The following FAM171A1 variants were observed in gnomAD, a reference collection of about 807,000 sequenced individuals.
FAM171A1 encodes protein FAM171A1.
A neutral mutation model predicts 74.9 loss-of-function variants in FAM171A1; 23 were observed. The ratio of observed to expected loss-of-function variants is 0.31; its 90% CI spans 0.22 to 0.44. FAM171A1 has a LOEUF of 0.44. FAM171A1 is among the 20% of genes least tolerant of loss of function. FAM171A1 has a pLI of 1.00. For missense variants in FAM171A1, 1,162 were observed against 1,159.2 expected (o/e 1.00, Z -0.03); for synonymous variants, 527 against 505.7 (o/e 1.04, Z -0.57).
intron 1 of FAM171A1, among the ~76,000 whole-genome samples, chr10:15,286,406 G>A (rs1034743452): frequency 4.6e-5 from 7 of 151,930 alleles, no homozygotes; most frequent in South Asian, 4.2e-4. Flanking sequence ...TCAGCCTCCC[G>A]AGTAGCTGGG....
At chr10:15,334,809 G>A (rs1835681723) in intron 1 of FAM171A1, among the ~76,000 whole-genome samples, 2 of 152,190 alleles carry the variant, frequency 1.3e-5, no homozygotes, top group African/African-American at 4.8e-5. Flanking sequence ...GCCTGCCACT[G>A]GAGACAGTAG....
rs1255069290 is a variant in FAM171A1 at position 15,213,678 on chromosome 10, G to T, written c.1910C>A (p.Pro637His). ...PHPSSQIQPQ[P>H]LSSQAISQQH... Reference sequence around the variant, plus strand: ...CTGAGAGATGGCCTGGGAAGACAGGGGCTGGGGCTGGATCTGTGAGGACGG... The same window carrying T: ...CTGAGAGATGGCCTGGGAAGACAGGTGCTGGGGCTGGATCTGTGAGGACGG... Residue 637 changes from proline (P) to histidine (H), a missense_variant, in exon 8 of 8, where the codon CCC becomes CAC. Transcript: ENST00000378116. This position sits in a 1 kb window ranked among gnomAD's most constrained non-coding sequence, Gnocchi z 6.8. 2 of 1,613,308 alleles carry T rather than the reference G, an allele frequency of 1.2e-6. No homozygotes were observed. Among genetic ancestry groups the T allele is most frequent in the Non-Finnish European group, 1.7e-6 (2 of 1,179,514 alleles).
At position 15,213,493 on chromosome 10, in the gene FAM171A1, C is replaced by A; in HGVS notation, c.2095G>T (p.Gly699Trp). The A allele has an allele frequency of 6.2e-7, 1 of 1,614,122 alleles. No homozygotes were observed. Among genetic ancestry groups the A allele is most frequent in the Non-Finnish European group, 8.5e-7 (1 of 1,180,032 alleles). ...GCCCGGGGGTGCGGAAGCGGCTTCC[C>A]ACCCCCAAGCTCCATCAGGGCCTTT... is the stretch of plus-strand genomic sequence containing the variant. ...TEKALMELGGGKPLPHPRAWF... is the reference protein window; with the variant it reads ...TEKALMELGGWKPLPHPRAWF... The change falls in exon 8 of 8, where the codon GGG becomes TGG. Residue 699 changes from glycine (G) to tryptophan (W), a missense_variant. By Grantham distance (184) the Gly-to-Trp change is radical. Transcript: ENST00000378116. The surrounding 1 kb of genome is among the most constrained non-coding windows in gnomAD (Gnocchi z 6.8).
intron 1 of FAM171A1, among the ~76,000 whole-genome samples, chr10:15,369,295 G>T (rs1836105335): frequency 6.6e-6 from 1 of 150,858 alleles, no homozygotes; most frequent in Non-Finnish European, 1.5e-5. Flanking sequence ...CCATATATTG[G>T]TATTTCAAGT....
intron 1 of FAM171A1, among the ~76,000 whole-genome samples, chr10:15,317,514 C>T (rs1164192356): frequency 6.6e-6 from 1 of 152,210 alleles, no homozygotes; most frequent in African/African-American, 2.4e-5. Flanking sequence ...CCTGCCTCAG[C>T]CTCCCTACTA....
At chr10:15,365,293 G>A (rs1254527921) in intron 1 of FAM171A1, among the ~76,000 whole-genome samples, 5 of 152,232 alleles carry the variant, frequency 3.3e-5, no homozygotes, top group African/African-American at 1.2e-4. Flanking sequence ...CCGGGCTGCA[G>A]AAGGAAGGAC....
At position 15,315,844 on chromosome 10, in the gene FAM171A1, C is replaced by T. The variant is rs147458542; in HGVS notation, c.98-31739G>A. ...ATTTTTACCTCTTTCCCCTTGCCCTCGCCCCCTGACTATCAATATAAGGTA... is the reference window on the plus strand; with the variant it reads ...ATTTTTACCTCTTTCCCCTTGCCCTTGCCCCCTGACTATCAATATAAGGTA... On this transcript the variant is annotated intron_variant, in intron 1 of 7. Coordinates refer to ENST00000378116, the MANE Select transcript of FAM171A1 (RefSeq NM_001010924.2). Among the ~76,000 whole-genome samples, 49 of 152,200 alleles carry T rather than the reference C, an allele frequency of 3.2e-4. 1 individual carries two copies. The East Asian group carries it at 9.3e-3, about 29-fold the overall frequency.
At chr10:15,348,523 G>A (rs1835842571) in intron 1 of FAM171A1, among the ~76,000 whole-genome samples, 1 of 152,200 alleles carries the variant, frequency 6.6e-6, no homozygotes, top group Admixed American at 6.5e-5. Flanking sequence ...TGACTGCAGT[G>A]TAACTAGGAC....
intron 1 of FAM171A1, among the ~76,000 whole-genome samples, chr10:15,360,554 T>C (rs1378917807): frequency 6.6e-6 from 1 of 152,216 alleles, no homozygotes; most frequent in African/African-American, 2.4e-5. Context: ...GGGCTGAGCT[T>C]GTCATGACCA....
At chr10:15,214,645 C>T in intron 7 of FAM171A1, 44 bp from the exon 8 acceptor site, 1 of 1,502,442 alleles carries the variant, frequency 6.7e-7, no homozygotes, top group African/African-American at 1.4e-5. Flanking sequence ...TAGTGATTCT[C>T]ACAATGAAAA....
At chr10:15,285,152 C>G (rs118052687) in intron 1 of FAM171A1, among the ~76,000 whole-genome samples, 1 of 152,068 alleles carries the variant, frequency 6.6e-6, no homozygotes, top group Non-Finnish European at 1.5e-5. Context: ...GGAGAGGATG[C>G]GTGAGTAAAC....
intron 1 of FAM171A1, among the ~76,000 whole-genome samples, chr10:15,294,937 CAG>C (rs1280031930): frequency 6.6e-6 from 1 of 152,124 alleles, no homozygotes; most frequent in Non-Finnish European, 1.5e-5. Flanking sequence ...TTTTTTGAGA[CAG>C]AGTTTTGCTC....
At chr10:15,316,614 G>A (rs1447947297) in intron 1 of FAM171A1, among the ~76,000 whole-genome samples, 1 of 152,184 alleles carries the variant, frequency 6.6e-6, no homozygotes, top group Non-Finnish European at 1.5e-5. Context: ...CTTTCAATAA[G>A]CAGGGAAGCC....
rs567461046 is a variant in FAM171A1, at chr10:15,266,025, A to G, written c.418+9830T>C. Among the ~76,000 whole-genome samples, 5 of 152,316 alleles carry G rather than the reference A, an allele frequency of 3.3e-5. No individual in the cohort carries two copies. The South Asian group carries it at 1.0e-3, about 32-fold the overall frequency. On this transcript the variant is annotated intron_variant, in intron 3 of 7. Coordinates refer to ENST00000378116, the MANE Select transcript of FAM171A1 (RefSeq NM_001010924.2). ...TCTGGGCTCAGGCAGCTCTCAGGCCACTTGGCAGGAGTGAGTGGGTTTCCC... is the reference window on the plus strand; with the variant it reads ...TCTGGGCTCAGGCAGCTCTCAGGCCGCTTGGCAGGAGTGAGTGGGTTTCCC...
In FAM171A1 at chr10:15,221,027, T is replaced by C; in HGVS notation, c.788A>G (p.His263Arg). ...CCACGTCAGCTGGCTGCCTTCCTGG[T>C]GCACAAGACCCAGACCGCTCTTCAG... Reference protein sequence around the residue: ...TWLKSGLGLVHQEGSQLTWTY... With the variant: ...TWLKSGLGLVRQEGSQLTWTY... Residue 263 changes from histidine to arginine, a missense_variant, in exon 6 of 8, where the codon CAC becomes CGC. Transcript: ENST00000378116. 6.2e-7 allele frequency: 1 copy of C among 1,614,174 alleles called. No individual in the cohort carries two copies. Among genetic ancestry groups the C allele is most frequent in the Non-Finnish European group, 8.5e-7 (1 of 1,180,028 alleles).
chr10:15,253,279 C>T (rs1190655076), intron 4 of FAM171A1, among the ~76,000 whole-genome samples: 1 of 152,196 alleles, frequency 6.6e-6, no homozygotes, highest in Non-Finnish European at 1.5e-5. Context: ...GCTGGGATTA[C>T]AGGCATGAGC....
intron 1 of FAM171A1, among the ~76,000 whole-genome samples, chr10:15,345,026 C>T (rs1169725678): frequency 2.0e-5 from 3 of 152,322 alleles, no homozygotes; most frequent in South Asian, 4.1e-4. Context: ...GCGTCATACA[C>T]GCACAAAACT....
At chr10:15,332,446 G>A (rs1835651152) in intron 1 of FAM171A1, among the ~76,000 whole-genome samples, 1 of 152,000 alleles carries the variant, frequency 6.6e-6, no homozygotes, top group African/African-American at 2.4e-5. Flanking sequence ...ATGCTGCATG[G>A]GCACCAACAG....
intron 3 of FAM171A1, 40 bp from the exon 4 acceptor site, chr10:15,254,919 G>C: frequency 1.3e-6 from 2 of 1,587,022 alleles, no homozygotes; most frequent in Non-Finnish European, 8.6e-7. Flanking sequence ...CCCAGGAGCA[G>C]TTTCTGTTTT....
Sources: gnomAD v4.1 joint callset for allele counts (sites outside exome capture counted in the v4.1 genomes callset) on GRCh38, gnomAD v4.1.1 for gene constraint, Gnocchi (gnomAD v3.1) non-coding constraint, MANE v1.5 for transcripts, NCBI Gene and HGNC (gene_info 2026-07-23, HGNC 2026-07-21) for gene names.